MRC2: variants seen among roughly 807,000 people sequenced by gnomAD.
MRC2 encodes the protein C-type mannose receptor 2.
MRC2 carries 84 observed loss-of-function variants against 206.2 expected under a neutral mutation model. The observed-to-expected ratio is 0.41, with a 90% confidence interval of 0.34 to 0.49. The LOEUF (loss-of-function observed/expected upper bound fraction) is 0.49. MRC2 is among the 20% of genes least tolerant of loss of function. The pLI is 0.31. For missense variants in MRC2, 1,676 were observed against 2,001.5 expected, an observed-to-expected ratio of 0.84 and a Z score of 3.10; for synonymous variants, 798 against 800.0, an observed-to-expected ratio of 1.00 and a Z score of 0.04.
Position 62,664,859 on chromosome 17 carries a change from C to G in MRC2, c.430C>G (p.Pro144Ala), listed in dbSNP as rs777813412. 6.2e-7 allele frequency: 1 copy of G among 1,613,678 alleles called. No homozygotes were observed. The change falls in exon 2 of 30, where the codon CCT becomes GCT. Residue 144 changes from proline to alanine, a missense_variant. Coordinates refer to ENST00000303375, the MANE Select transcript of MRC2 (RefSeq NM_006039.5). The surrounding 1 kb of genome is among the most constrained non-coding windows in gnomAD (Gnocchi z 4.7). ...LGARTSNISK[P>A]GTLERGDQTR... Reference sequence around the variant, plus strand: ...GGCCCGCACCAGCAACATATCCAAGCCTGGCACCCTTGAGCGTGGTGACCA... The same window carrying G: ...GGCCCGCACCAGCAACATATCCAAGGCTGGCACCCTTGAGCGTGGTGACCA...
chr17:62,682,911 G>A (rs1296738766), intron 20 of MRC2, among the ~76,000 whole-genome samples: 1 of 152,054 alleles, frequency 6.6e-6, no homozygotes, highest in East Asian at 1.9e-4. Context: ...AAAGTGCTGG[G>A]ATTACAGATG....
rs1165471006 is a variant in MRC2, at chr17:62,667,704, A to G, written c.1117+171A>G. 1.3e-5 allele frequency among the ~76,000 whole-genome samples: 2 copies of G among 152,250 alleles called. No homozygotes were observed. The highest frequency in any genetic ancestry group is 4.8e-5 in the African/African-American group (2 of 41,458). On this transcript the variant is annotated intron_variant, in intron 6 of 29. Coordinates refer to ENST00000303375, the MANE Select transcript of MRC2 (RefSeq NM_006039.5). This position sits in a 1 kb window ranked among gnomAD's most constrained non-coding sequence, Gnocchi z 4.1. ...AGTTAAAGTCTGAGCAAATTGGAAT[A>G]TGTCATTAATTCATTTGGGGAACAT...
Position 62,680,367 on chromosome 17 carries a change from T to C in MRC2, c.2438-51T>C. The C allele has an allele frequency of 6.2e-7, 1 of 1,613,742 alleles. No homozygotes were observed. Among genetic ancestry groups the C allele is most frequent in the Non-Finnish European group, 8.5e-7 (1 of 1,179,750 alleles). On this transcript the variant is annotated intron_variant, in intron 15 of 29. Coordinates refer to ENST00000303375, the MANE Select transcript of MRC2 (RefSeq NM_006039.5). This position sits in a 1 kb window ranked among gnomAD's most constrained non-coding sequence, Gnocchi z 4.8. ...GAGCGAAGGGTGGCGGGGCCAGGAA[T>C]TCCAGGGAGGGTCTCCTTTCCTCAC...
intron 1 of MRC2, among the ~76,000 whole-genome samples, chr17:62,651,852 G>C (rs1427405947): frequency 6.6e-6 from 1 of 152,156 alleles, no homozygotes; most frequent in African/African-American, 2.4e-5. Context: ...AATTAAAGGC[G>C]TGAGCCACCG....
chr17:62,645,499 A>T (rs200103954), intron 1 of MRC2, among the ~76,000 whole-genome samples: 5,628 of 83,216 alleles, frequency 0.068, 504 homozygotes, highest in African/African-American at 0.24. Flanking sequence ...TGTATATATT[A>T]TATATATATA....
At chr17:62,644,471 TC>T (rs2088449823) in intron 1 of MRC2, among the ~76,000 whole-genome samples, 1 of 152,128 alleles carries the variant, frequency 6.6e-6, no homozygotes, top group African/African-American at 2.4e-5. Context: ...ACGCCTGTAA[TC>T]TCAGCACTTT....
intron 6 of MRC2, among the ~76,000 whole-genome samples, chr17:62,669,172 T>C (rs1296688210): frequency 6.6e-6 from 1 of 151,560 alleles, no homozygotes; most frequent in Admixed American, 6.6e-5. Context: ...AAACTTCTGC[T>C]CCTGACCATG....
At chr17:62,659,510 C>T (rs1426546596) in intron 1 of MRC2, among the ~76,000 whole-genome samples, 2 of 151,210 alleles carry the variant, frequency 1.3e-5, no homozygotes, top group Non-Finnish European at 2.9e-5. Flanking sequence ...CGCGCCACTG[C>T]ACTCCAGCTG....
intron 1 of MRC2, among the ~76,000 whole-genome samples, chr17:62,632,549 G>A (rs1177492161): frequency 6.6e-6 from 1 of 152,112 alleles, no homozygotes; most frequent in Non-Finnish European, 1.5e-5. Flanking sequence ...CTCTTGTCCT[G>A]CCCCAGCTTT....
At chr17:62,655,785 T>C (rs546851131) in intron 1 of MRC2, among the ~76,000 whole-genome samples, 1 of 151,794 alleles carries the variant, frequency 6.6e-6, no homozygotes, top group East Asian at 1.9e-4. Flanking sequence ...CTATCACACT[T>C]CATTTATCTG....
Position 62,627,860 on chromosome 17 carries a change from C to T in MRC2, c.58C>T (p.Leu20=), listed in dbSNP as rs1400585420. Residue 20 remains leucine (L), a synonymous_variant, in exon 1 of 30, where the codon CTG becomes TTG. Coordinates refer to ENST00000303375, the MANE Select transcript of MRC2 (RefSeq NM_006039.5). ...PWPRHLLRCV[L]LLGCLHLGRP... ...GCCTCGTCACCTGCTGCGCTGCGTC[C>T]TGCTCCTCGGGTGCCTGCACCTCGG... 3.4e-6 allele frequency: 5 copies of T among 1,480,290 alleles called. No homozygotes were observed. Among genetic ancestry groups the T allele is most frequent in the Admixed American group, 2.3e-5 (1 of 42,688 alleles). The allele number at this position is 1,480,290 out of a possible 1,614,324, so 91.7% of individuals were successfully genotyped here.
chr17:62,641,272 C>T (rs1276919896), intron 1 of MRC2, among the ~76,000 whole-genome samples: 1 of 146,602 alleles, frequency 6.8e-6, no homozygotes, highest in East Asian at 2.0e-4. Flanking sequence ...GCTGAGATGG[C>T]GCCATTGCAC....
In MRC2 at chr17:62,664,848, A is replaced by G. The variant is rs753139668; in HGVS notation, c.419A>G (p.Asn140Ser). The G allele has an allele frequency of 1.2e-6, 2 of 1,613,798 alleles. No homozygotes were observed. Among genetic ancestry groups the G allele is most frequent in the South Asian group, 2.2e-5 (2 of 91,088 alleles). ...TTGCTCCTGGGGGCCCGCACCAGCA[A>G]CATATCCAAGCCTGGCACCCTTGAG... ...LSLLLGARTSNISKPGTLERG... is the reference protein window; with the variant it reads ...LSLLLGARTSSISKPGTLERG... Residue 140 changes from asparagine (N) to serine (S), a missense_variant, in exon 2 of 30, where the codon AAC (asparagine) becomes AGC (serine). Transcript: ENST00000303375. The surrounding 1 kb of genome is among the most constrained non-coding windows in gnomAD (Gnocchi z 4.7).
intron 13 of MRC2, chr17:62,679,525 G>A (rs1156938747): frequency 1.0e-5 from 3 of 290,984 alleles, no homozygotes; most frequent in Non-Finnish European, 1.9e-5. Context: ...TGCTGGACAG[G>A]GCACCCCCAC....
chr17:62,641,023 T>A lies in MRC2; in HGVS notation c.118+13103T>A, dbSNP rs528400000. On this transcript the variant is annotated intron_variant, in intron 1 of 29. Transcript: ENST00000303375. ...GTGCCCGGCCTAATTTTTTTTTTTTTAAATAGAAACAAGGTCTTGCTATGT... is the reference window on the plus strand; with the variant it reads ...GTGCCCGGCCTAATTTTTTTTTTTTAAAATAGAAACAAGGTCTTGCTATGT... Among the ~76,000 whole-genome samples the A allele has an allele frequency of 9.0e-3, 1,362 of 151,634 alleles. 25 individuals are homozygous for A. The highest frequency in any genetic ancestry group is 0.031 in the African/African-American group (1,268 of 41,378).
At chr17:62,691,440 C>T (rs1442823831) in intron 28 of MRC2, among the ~76,000 whole-genome samples, 1 of 152,176 alleles carries the variant, frequency 6.6e-6, no homozygotes, top group Admixed American at 6.5e-5. Context: ...TGGGCAGAGT[C>T]TGTGGCCTCA....
chr17:62,663,566 G>T (rs1345165939), intron 1 of MRC2, among the ~76,000 whole-genome samples: 1 of 152,088 alleles, frequency 6.6e-6, no homozygotes, highest in East Asian at 1.9e-4. Flanking sequence ...CTGTAAAGTG[G>T]GTGTGCTGTG....
rs539824319 is a variant in MRC2 at position 62,690,652 on chromosome 17, C to T, written c.3903C>T (p.Ala1301=). ...ARQRCQRAGG[A]VLSILDEMEN... ...CTTCTTTGCATCCAGCGGGTGGGGC[C>T]GTCCTGTCTATCCTGGATGAGATGG... The change falls in exon 27 of 30, where the codon GCC becomes GCT. Residue 1301 remains alanine (A), a synonymous_variant. Transcript: ENST00000303375. 8.1e-6 allele frequency: 13 copies of T among 1,608,520 alleles called. No homozygotes were observed. Among genetic ancestry groups the T allele is most frequent in the South Asian group, 6.7e-5 (6 of 90,010 alleles).
chr17:62,681,897 C>G lies in MRC2; in HGVS notation c.2763C>G (p.Val921=), dbSNP rs146832957. The change falls in exon 19 of 30, where the codon GTC becomes GTG. Residue 921 remains valine, a synonymous_variant. Coordinates refer to ENST00000303375, the MANE Select transcript of MRC2 (RefSeq NM_006039.5). ...GGGCACCAGGCAAACCTCGGCCTGT[C>G]GGCAAGGACAAGAAGTGCGTGTACA... ...ISWAPGKPRP[V]GKDKKCVYMT... The G allele has an allele frequency of 2.5e-5, 41 of 1,613,794 alleles. No individual in the cohort carries two copies. Among genetic ancestry groups the G allele is most frequent in the Non-Finnish European group, 3.2e-5 (38 of 1,179,974 alleles).
Sources: gnomAD v4.1 joint callset for allele counts (sites outside exome capture counted in the v4.1 genomes callset) on GRCh38, gnomAD v4.1.1 for gene constraint, Gnocchi (gnomAD v3.1) non-coding constraint, MANE v1.5 for transcripts, NCBI Gene and HGNC (gene_info 2026-07-23, HGNC 2026-07-21) for gene names.